Variants in ADAMTS2 observed in about 807,000 individuals in gnomAD.
The protein encoded by ADAMTS2 is ADAM metallopeptidase with thrombospondin type 1 motif 2.
Under a neutral mutation model 123.0 loss-of-function variants are expected in ADAMTS2, and 50 were observed. That is an observed-to-expected ratio of 0.41 (90% CI 0.32 to 0.51). The LOEUF (loss-of-function observed/expected upper bound fraction) is 0.51, where lower values mean the gene tolerates loss of function less well. ADAMTS2 is among the 20% of genes least tolerant of loss of function. The probability of loss-of-function intolerance (pLI) is 0.35; values close to 1 mark genes in which losing one functional copy is unlikely to be tolerated. For missense variants in ADAMTS2, 1,494 were observed against 1,705.2 expected (o/e 0.88, Z 2.18); for synonymous variants, 678 against 695.4 (o/e 0.98, Z 0.39).
intron 7 of ADAMTS2, among the ~76,000 whole-genome samples, 155 bp from the exon 8 acceptor site, chr5:179,154,347 C>T (rs929894616): frequency 6.6e-6 from 1 of 152,172 alleles, no homozygotes; most frequent in African/African-American, 2.4e-5. Context: ...CTACCTGCTG[C>T]AATTTGAAAG....
intron 3 of ADAMTS2, among the ~76,000 whole-genome samples, chr5:179,219,364 G>A (rs554622994): frequency 2.0e-5 from 3 of 152,284 alleles, no homozygotes; most frequent in South Asian, 2.1e-4. Context: ...TTGCAACCAC[G>A]AGAGTCCTGT....
chr5:179,152,225 A>G lies in ADAMTS2; in HGVS notation c.1546T>C (p.Trp516Arg). 6.2e-7 allele frequency: 1 copy of G among 1,614,038 alleles called. No homozygotes were observed. Among genetic ancestry groups the G allele is most frequent in the African/African-American group, 1.3e-5 (1 of 75,050 alleles). Residue 516 changes from tryptophan (W) to arginine (R), a missense_variant, in exon 10 of 22, where the codon TGG becomes CGG. Physicochemically the swap from Trp to Arg is moderately radical, Grantham distance 101. Transcript: ENST00000251582. ...TAGGGGTTGTCAGGATGGCTGCACC[A>G]CAGCTGCTTGCAGGGGTCAAAGGTC... Reference protein sequence around the residue: ...FRTFDPCKQLWCSHPDNPYFC... With the variant: ...FRTFDPCKQLRCSHPDNPYFC...
At position 179,228,405 on chromosome 5, in the gene ADAMTS2, TGTC is replaced by T. The variant is rs561830192; in HGVS notation, c.689-20693_689-20691del. Among the ~76,000 whole-genome samples, 1,577 of 152,220 alleles carry T rather than the reference TGTC, an allele frequency of 0.01. 5 individuals carry two copies. Among genetic ancestry groups the T allele is most frequent in the South Asian group, 0.019 (91 of 4,820 alleles). Reference sequence around the variant, plus strand: ...CAGTCTGGGCACCAGCCTGTTTTCTTGTCCTCTCCAGCCAGCAGGGCAGAATTG... The same window carrying T: ...CAGTCTGGGCACCAGCCTGTTTTCTTCTCTCCAGCCAGCAGGGCAGAATTG... On this transcript the variant is annotated intron_variant, in intron 3 of 21. Coordinates refer to ENST00000251582, the MANE Select transcript of ADAMTS2 (RefSeq NM_014244.5). This position sits in a 1 kb window ranked among gnomAD's most constrained non-coding sequence, Gnocchi z 5.2.
chr5:179,140,383 C>T (rs1763142987), intron 10 of ADAMTS2, among the ~76,000 whole-genome samples: 1 of 152,200 alleles, frequency 6.6e-6, no homozygotes, highest in Admixed American at 6.5e-5. Context: ...ATAAAGATAC[C>T]ACTGGCCTAT....
chr5:179,218,757 G>T (rs115485260), intron 3 of ADAMTS2, among the ~76,000 whole-genome samples: 244 of 152,296 alleles, frequency 1.6e-3, no homozygotes, highest in African/African-American at 5.5e-3. Flanking sequence ...GGGCTGCCCC[G>T]CGGACAGATG....
At chr5:179,248,026 C>T (rs960760718) in intron 3 of ADAMTS2, among the ~76,000 whole-genome samples, 1 of 151,982 alleles carries the variant, frequency 6.6e-6, no homozygotes, top group Non-Finnish European at 1.5e-5. Flanking sequence ...ATGCATAAAG[C>T]AATAATTATA....
chr5:179,163,813 G>A (rs1011113388), intron 5 of ADAMTS2, among the ~76,000 whole-genome samples: 7 of 152,202 alleles, frequency 4.6e-5, no homozygotes, highest in Admixed American at 6.5e-5. Context: ...TGCCACTTTC[G>A]TTCTCCAACC....
intron 10 of ADAMTS2, among the ~76,000 whole-genome samples, chr5:179,150,678 CAT>C (rs907517462): frequency 1.3e-5 from 2 of 152,162 alleles, no homozygotes; most frequent in Non-Finnish European, 2.9e-5. Context: ...CAAAAGGCCA[CAT>C]ATATATGATT....
chr5:179,244,156 C>G (rs779688698), intron 3 of ADAMTS2, among the ~76,000 whole-genome samples: 1 of 152,046 alleles, frequency 6.6e-6, no homozygotes, highest in Non-Finnish European at 1.5e-5. Flanking sequence ...CATTAACCTA[C>G]GTGTCCGAGA....
At chr5:179,183,069 C>A (rs548281278) in intron 4 of ADAMTS2, among the ~76,000 whole-genome samples, 1 of 152,186 alleles carries the variant, frequency 6.6e-6, no homozygotes, top group Admixed American at 6.5e-5. Context: ...AACAATGAAA[C>A]GGTTTTTCAT....
At chr5:179,151,758 T>A (rs1032531129) in intron 10 of ADAMTS2, among the ~76,000 whole-genome samples, 5 of 152,136 alleles carry the variant, frequency 3.3e-5, no homozygotes, top group Admixed American at 3.3e-4. Context: ...ACTGAGGTCC[T>A]GGGGATGGAA....
chr5:179,281,055 A>C (rs1581243670), intron 2 of ADAMTS2, among the ~76,000 whole-genome samples: 1 of 152,236 alleles, frequency 6.6e-6, no homozygotes, highest in East Asian at 1.9e-4. Flanking sequence ...ATGGGGTTTC[A>C]CCATGTTGGC....
rs1156799789 is a variant in ADAMTS2 at position 179,121,877 on chromosome 5, G to A, written c.3089-127C>T. On this transcript the variant is annotated intron_variant, in intron 20 of 21. Coordinates refer to ENST00000251582, the MANE Select transcript of ADAMTS2 (RefSeq NM_014244.5). ...TTCAAGGCCCTCGCCTCCCCGGGCG[G>A]ACAAAGGGTCCTCCGCTGCCAAGTC... 3.9e-5 allele frequency: 23 copies of A among 594,142 alleles called. No homozygotes were observed. In the East Asian group the frequency reaches 6.1e-4, roughly 16 times the overall value. 36.8% of individuals were successfully genotyped at this position (594,142 alleles called of 1,614,324 possible). A position where few individuals can be genotyped will look rare whatever the true frequency, so the allele number is the denominator to read the frequency against.
chr5:179,131,186 G>A (rs1337270397), intron 15 of ADAMTS2, among the ~76,000 whole-genome samples: 2 of 151,518 alleles, frequency 1.3e-5, no homozygotes, highest in African/African-American at 4.8e-5. Context: ...GGTGGCACAC[G>A]CCTGTAATCC....
At chr5:179,316,744 C>G (rs1449876692) in intron 2 of ADAMTS2, among the ~76,000 whole-genome samples, 1 of 152,138 alleles carries the variant, frequency 6.6e-6, no homozygotes, top group East Asian at 1.9e-4. Context: ...CAAGATCAGC[C>G]TGGGCAACAT....
intron 2 of ADAMTS2, among the ~76,000 whole-genome samples, chr5:179,337,511 G>A (rs928388720): frequency 6.6e-6 from 1 of 152,188 alleles, no homozygotes; most frequent in Non-Finnish European, 1.5e-5. Context: ...CCATGCACAG[G>A]CCCAGGACAC....
intron 5 of ADAMTS2, among the ~76,000 whole-genome samples, chr5:179,177,602 T>A (rs1463063188): frequency 6.6e-6 from 1 of 152,174 alleles, no homozygotes; most frequent in Non-Finnish European, 1.5e-5. Flanking sequence ...GGAGTCAGCT[T>A]TGAAATATTC....
At chr5:179,295,976 G>C (rs1756318937) in intron 2 of ADAMTS2, among the ~76,000 whole-genome samples, 3 of 152,246 alleles carry the variant, frequency 2.0e-5, no homozygotes, top group African/African-American at 7.2e-5. Context: ...CACTGCAGGA[G>C]GAAATGCCTT....
At chr5:179,302,753 T>C (rs945999292) in intron 2 of ADAMTS2, among the ~76,000 whole-genome samples, 6 of 151,434 alleles carry the variant, frequency 4.0e-5, no homozygotes, top group African/African-American at 1.5e-4. Flanking sequence ...CTGGAAGAGA[T>C]GACACTGGAG....
Sources: gnomAD v4.1 joint callset for allele counts (sites outside exome capture counted in the v4.1 genomes callset) on GRCh38, gnomAD v4.1.1 for gene constraint, Gnocchi (gnomAD v3.1) non-coding constraint, MANE v1.5 for transcripts, NCBI Gene and HGNC (gene_info 2026-07-23, HGNC 2026-07-21) for gene names.